NEBL: variants seen among roughly 807,000 people sequenced by gnomAD.
The protein encoded by NEBL is nebulette.
NEBL carries 122 observed loss-of-function variants against 140.2 expected under a neutral mutation model. The observed-to-expected ratio is 0.87, with a 90% CI of 0.75 to 1.01. NEBL has a LOEUF of 1.01. Among genes scored for constraint, NEBL ranks in the 50% least tolerant of loss-of-function variants. The pLI is 0.00. For synonymous variants in NEBL, 436 were observed against 398.9 expected (o/e 1.09, Z -1.11); for missense variants, 1,365 against 1,231.3 (o/e 1.11, Z -1.62).
chr10:20,974,356 C>T (rs1289142778), intron 3 of NEBL, among the ~76,000 whole-genome samples: 1 of 151,110 alleles, frequency 6.6e-6, no homozygotes, highest in African/African-American at 2.4e-5. Context: ...TGGGCTCAAG[C>T]GATCCTCCCA....
chr10:21,267,570 C>T (rs1377111591), intron 1 of NEBL, among the ~76,000 whole-genome samples: 3 of 152,168 alleles, frequency 2.0e-5, no homozygotes, highest in African/African-American at 7.2e-5. Flanking sequence ...TCCTCTTTCT[C>T]ACGCAAGACT....
At chr10:21,155,786 C>G (rs114581286) in intron 2 of NEBL, among the ~76,000 whole-genome samples, 3 of 152,198 alleles carry the variant, frequency 2.0e-5, no homozygotes, top group Non-Finnish European at 4.4e-5. Context: ...GTTGGAAAAG[C>G]ACTATCACAT....
intron 3 of NEBL, among the ~76,000 whole-genome samples, chr10:21,187,413 C>T (rs1053373810): frequency 1.3e-5 from 2 of 152,038 alleles, no homozygotes. Context: ...GACGTTTTGT[C>T]GAACCCGATC....
At chr10:20,847,525 C>T (rs1407104986) in intron 11 of NEBL, among the ~76,000 whole-genome samples, 1 of 151,806 alleles carries the variant, frequency 6.6e-6, no homozygotes, top group Non-Finnish European at 1.5e-5. Flanking sequence ...GAAAGTTATC[C>T]ACAGAAGGAA....
At chr10:21,045,646 T>C (rs1259240991) in intron 2 of NEBL, among the ~76,000 whole-genome samples, 2 of 152,084 alleles carry the variant, frequency 1.3e-5, no homozygotes, top group South Asian at 2.1e-4. Context: ...ATCAGGGAAA[T>C]TCAAATTAAA....
At position 20,779,981 on chromosome 10, in the gene NEBL, A is replaced by C. The variant is rs1299284595; in HGVS notation, c.*5766T>G. The C allele has an allele frequency of 3.3e-5, 5 of 152,230 alleles. No homozygotes were observed. Among genetic ancestry groups the C allele is most frequent in the Non-Finnish European group, 5.9e-5 (4 of 68,044 alleles). 9.4% of individuals were successfully genotyped at this position (152,230 alleles called of 1,614,324 possible). A position where few individuals can be genotyped will look rare whatever the true frequency, so the allele number is the denominator to read the frequency against. ...AAACAGAAAATCCAATATTTGGAAGAAGTGTTTATTCTACGAGCAGATGTC... is the reference window on the plus strand; with the variant it reads ...AAACAGAAAATCCAATATTTGGAAGCAGTGTTTATTCTACGAGCAGATGTC... On this transcript the variant is annotated 3_prime_UTR_variant, in exon 28 of 28. Coordinates refer to ENST00000377122, the MANE Select transcript of NEBL (RefSeq NM_006393.3).
intron 2 of NEBL, among the ~76,000 whole-genome samples, chr10:21,026,703 T>C (rs1006096974): frequency 2.0e-5 from 3 of 152,236 alleles, no homozygotes; most frequent in African/African-American, 4.8e-5. Context: ...GATTTCCTTA[T>C]GGGCTTTATG....
At chr10:21,169,063 AAAAAATATATATATAT>A (rs1357685368) in intron 2 of NEBL, among the ~76,000 whole-genome samples, 34 of 35,306 alleles carry the variant, frequency 9.6e-4, no homozygotes, top group African/African-American at 2.3e-3. Flanking sequence ...AAAAAAAAAA[AAAAAATATATATATAT>A]ATATATATAT....
intron 3 of NEBL, among the ~76,000 whole-genome samples, chr10:20,963,650 C>A (rs1836159656): frequency 6.6e-6 from 1 of 152,272 alleles, no homozygotes; most frequent in South Asian, 2.1e-4. Context: ...CTACCTTAGC[C>A]TCCCAAAGTG....
intron 4 of NEBL, among the ~76,000 whole-genome samples, chr10:20,933,507 G>T (rs1459608632): frequency 2.6e-5 from 4 of 152,154 alleles, no homozygotes; most frequent in Non-Finnish European, 2.9e-5. Flanking sequence ...GACAAGGCGG[G>T]TGGATAACCT....
Position 21,265,072 on chromosome 10 carries a change from G to A in NEBL, n.183-13244C>T, listed in dbSNP as rs190036647. 4.9e-3 allele frequency among the ~76,000 whole-genome samples: 740 copies of A among 151,992 alleles called. 7 individuals are homozygous for A. Among genetic ancestry groups the A allele is most frequent in the African/African-American group, 0.017 (692 of 41,448 alleles). The stretch of plus-strand genomic sequence containing the variant: ...CGAGTAGCTGGGATTACAGGTGTGC[G>A]CCACCGTGCCCGACTAATTTTTGTG... On this transcript the variant is annotated intron_variant and non_coding_transcript_variant, in intron 1 of 8. Coordinates refer to the NEBL transcript ENST00000675702.
intron 3 of NEBL, among the ~76,000 whole-genome samples, chr10:20,978,047 G>T (rs1363070649): frequency 6.6e-6 from 1 of 152,086 alleles, no homozygotes; most frequent in Non-Finnish European, 1.5e-5. Flanking sequence ...AATCTTTTTT[G>T]TTTATTTAAA....
At chr10:21,010,128 A>G (rs1838279287) in intron 3 of NEBL, among the ~76,000 whole-genome samples, 2 of 152,216 alleles carry the variant, frequency 1.3e-5, no homozygotes, top group African/African-American at 4.8e-5. Flanking sequence ...TAGTTCCCTA[A>G]TGAGCCTGTT....
intron 3 of NEBL, chr10:21,020,014 C>G: frequency 3.9e-6 from 4 of 1,025,084 alleles, no homozygotes; most frequent in Non-Finnish European, 1.5e-6. Context: ...TCCACACCGG[C>G]TGGTGACCCA....
In NEBL at chr10:21,268,689, A is replaced by G. The variant is rs1842827312; in HGVS notation, n.183-16861T>C. ...CAGACACGTGCCACCATGTCTGGTT[A>G]AATTCTGTATTTTTCAATAGAGACA... On this transcript the variant is annotated intron_variant and non_coding_transcript_variant, in intron 1 of 8. Transcript: ENST00000675702. Among the ~76,000 whole-genome samples, 4 of 151,728 alleles carry G rather than the reference A, an allele frequency of 2.6e-5. 1 individual carries two copies. The highest frequency in any genetic ancestry group is 2.6e-4 in the Admixed American group (4 of 15,232).
intron 1 of NEBL, among the ~76,000 whole-genome samples, chr10:21,283,587 T>C (rs1843018501): frequency 6.6e-6 from 1 of 152,210 alleles, no homozygotes; most frequent in Non-Finnish European, 1.5e-5. Context: ...TTTTTGGTTT[T>C]AGAAAGGTTA....
At chr10:21,061,303 T>A (rs1236356641) in intron 2 of NEBL, among the ~76,000 whole-genome samples, 1 of 142,924 alleles carries the variant, frequency 7.0e-6, no homozygotes, top group African/African-American at 2.6e-5. Flanking sequence ...ATATTACATA[T>A]TATGTGATAT....
chr10:20,915,411 C>G (rs1164655699), intron 4 of NEBL, among the ~76,000 whole-genome samples: 2 of 147,908 alleles, frequency 1.4e-5, no homozygotes, highest in African/African-American at 2.5e-5. Context: ...CCCCCTCCCC[C>G]TACCCCACAA....
intron 4 of NEBL, among the ~76,000 whole-genome samples, chr10:20,881,450 C>T (rs1846008282): frequency 6.6e-6 from 1 of 152,100 alleles, no homozygotes; most frequent in Non-Finnish European, 1.5e-5. Context: ...CCATCCATTA[C>T]CACCATGTTG....
Sources: allele counts gnomAD v4.1 joint callset (sites outside exome capture counted in the v4.1 genomes callset), GRCh38; gene constraint gnomAD v4.1.1; transcripts MANE v1.5; gene names NCBI Gene and HGNC (gene_info 2026-07-23, HGNC 2026-07-21).